TBC1D4: variants seen among roughly 807,000 people sequenced by gnomAD.
The protein encoded by TBC1D4 is TBC (Tre-2, BUB2, CDC16) domain-containing protein.
In TBC1D4, 121 loss-of-function variants were observed where a neutral mutation model predicts 142.5. The ratio of observed to expected loss-of-function variants is 0.85; its 90% confidence interval spans 0.73 to 0.99. The LOEUF (loss-of-function observed/expected upper bound fraction) is 0.99. TBC1D4 is among the 50% of genes least tolerant of loss of function. The pLI is 0.00. For missense variants in TBC1D4, 1,475 were observed against 1,606.6 expected (o/e 0.92, Z 1.40); for synonymous variants, 630 against 628.2 (o/e 1.00, Z -0.04).
intron 1 of TBC1D4, among the ~76,000 whole-genome samples, chr13:75,474,136 T>G (rs1888532166): frequency 6.6e-6 from 1 of 152,250 alleles, no homozygotes; most frequent in African/African-American, 2.4e-5. Flanking sequence ...CACTAATTAT[T>G]ATTTTACAAA....
chr13:75,320,967 G>A (rs1878719452), intron 11 of TBC1D4, among the ~76,000 whole-genome samples: 1 of 151,162 alleles, frequency 6.6e-6, no homozygotes, highest in East Asian at 1.9e-4. Context: ...GTGAACCCGG[G>A]AGGCGGAGCT....
intron 1 of TBC1D4, among the ~76,000 whole-genome samples, chr13:75,368,709 A>G (rs956080811): frequency 3.3e-5 from 5 of 152,312 alleles, no homozygotes; most frequent in African/African-American, 1.2e-4. Flanking sequence ...ATAAAAGAGT[A>G]ACTCACAGGA....
At chr13:75,321,268 T>C (rs2137984764) in intron 11 of TBC1D4, among the ~76,000 whole-genome samples, 1 of 152,140 alleles carries the variant, frequency 6.6e-6, no homozygotes, top group Non-Finnish European at 1.5e-5. Context: ...CTAAAACAAG[T>C]GATAATGAGA....
chr13:75,476,008 C>T, intron 1 of TBC1D4, among the ~76,000 whole-genome samples: 1 of 152,014 alleles, frequency 6.6e-6, no homozygotes, highest in East Asian at 1.9e-4. Flanking sequence ...TTTGGGAGGC[C>T]CAGGCGGGCA....
chr13:75,427,246 CCTGA>C (rs1373247539), intron 1 of TBC1D4, among the ~76,000 whole-genome samples: 1 of 152,142 alleles, frequency 6.6e-6, no homozygotes, highest in Non-Finnish European at 1.5e-5. Context: ...CCTCACCGCG[CCTGA>C]CTAATTTTTT....
At chr13:75,291,755 G>T (rs372201816) in intron 19 of TBC1D4, among the ~76,000 whole-genome samples, 1 of 152,144 alleles carries the variant, frequency 6.6e-6, no homozygotes, top group African/African-American at 2.4e-5. Context: ...CTCCTGCCAC[G>T]TGTCCTCTTC....
chr13:75,314,380 T>C (rs1164310723), intron 12 of TBC1D4, among the ~76,000 whole-genome samples: 2 of 152,134 alleles, frequency 1.3e-5, no homozygotes, highest in Non-Finnish European at 2.9e-5. Flanking sequence ...CTCAATAGTG[T>C]TGAGGCAATT....
intron 1 of TBC1D4, among the ~76,000 whole-genome samples, chr13:75,429,679 T>TA (rs1464214804): frequency 6.6e-6 from 1 of 151,918 alleles, no homozygotes; most frequent in Non-Finnish European, 1.5e-5. Flanking sequence ...ACTACTCTTT[T>TA]AAAAAAGTAT....
At chr13:75,460,247 A>G (rs534678482) in intron 1 of TBC1D4, among the ~76,000 whole-genome samples, 1 of 152,330 alleles carries the variant, frequency 6.6e-6, no homozygotes, top group East Asian at 1.9e-4. Flanking sequence ...TGAGTTTACA[A>G]ACTAGTGAAG....
chr13:75,303,844 T>C (rs1419165596), intron 15 of TBC1D4, among the ~76,000 whole-genome samples: 3 of 152,186 alleles, frequency 2.0e-5, no homozygotes, highest in Non-Finnish European at 4.4e-5. Context: ...CTCCAGTTTC[T>C]TGCACCTCCT....
intron 1 of TBC1D4, among the ~76,000 whole-genome samples, chr13:75,371,890 A>G (rs900244629): frequency 2.0e-5 from 3 of 152,234 alleles, no homozygotes; most frequent in African/African-American, 4.8e-5. Context: ...TCTATTGTGT[A>G]CCTTCTCAAA....
intron 1 of TBC1D4, among the ~76,000 whole-genome samples, chr13:75,453,049 T>C (rs1056841930): frequency 6.6e-6 from 1 of 152,120 alleles, no homozygotes; most frequent in African/African-American, 2.4e-5. Flanking sequence ...TCAAGAAAAT[T>C]ATTTTCAAAT....
intron 1 of TBC1D4, among the ~76,000 whole-genome samples, chr13:75,479,145 A>C (rs1888733363): frequency 1.3e-5 from 2 of 151,808 alleles, no homozygotes; most frequent in Admixed American, 6.6e-5. Flanking sequence ...TCCTCACTCA[A>C]CCCTCTTCTT....
chr13:75,402,344 ATACACCTTCATTCTTC>A (rs1885133702), intron 1 of TBC1D4, among the ~76,000 whole-genome samples: 1 of 152,154 alleles, frequency 6.6e-6, no homozygotes, highest in Admixed American at 6.6e-5. Flanking sequence ...CTCCCCGGGG[ATACACCTTCATTCTTC>A]TATGCCGCAA....
chr13:75,449,532 AACAC>A (rs34025489), intron 1 of TBC1D4, among the ~76,000 whole-genome samples: 23 of 149,074 alleles, frequency 1.5e-4, no homozygotes, highest in East Asian at 3.9e-4. Flanking sequence ...GTGAAACTGC[AACAC>A]ACACACACAC....
chr13:75,389,954 G>A (rs1434639798), intron 1 of TBC1D4, among the ~76,000 whole-genome samples: 2 of 152,060 alleles, frequency 1.3e-5, no homozygotes, highest in Non-Finnish European at 2.9e-5. Context: ...ACTGAAGACA[G>A]GTAACTAAAC....
chr13:75,476,209 C>T (rs1351530097), intron 1 of TBC1D4, among the ~76,000 whole-genome samples: 2 of 152,118 alleles, frequency 1.3e-5, no homozygotes, highest in Non-Finnish European at 2.9e-5. Context: ...CGCCACTGCA[C>T]TCCAGCCTGG....
chr13:75,313,450 GAT>G (rs943111551), intron 12 of TBC1D4, among the ~76,000 whole-genome samples: 1 of 152,162 alleles, frequency 6.6e-6, no homozygotes, highest in Non-Finnish European at 1.5e-5. Flanking sequence ...ATTGGTAGGT[GAT>G]ATACTAAGAA....
Position 75,284,812 on chromosome 13 carries a change from A to G in TBC1D4, c.*1980T>C, listed in dbSNP as rs1874525536. Reference sequence around the variant, plus strand: ...AAAGAAAATTCATTTTCAAAAGAAAATATTGTATCCAAGTCAGCTTAATCT... The same window carrying G: ...AAAGAAAATTCATTTTCAAAAGAAAGTATTGTATCCAAGTCAGCTTAATCT... On this transcript the variant is annotated 3_prime_UTR_variant, in exon 21 of 21. Transcript: ENST00000377636. 6.6e-6 allele frequency: 1 copy of G among 152,220 alleles called. No homozygotes were observed. The highest frequency in any genetic ancestry group is 1.5e-5 in the Non-Finnish European group (1 of 68,036). 9.4% of individuals were successfully genotyped at this position (152,220 alleles called of 1,614,324 possible).
Sources: allele counts gnomAD v4.1 joint callset (sites outside exome capture counted in the v4.1 genomes callset), GRCh38; gene constraint gnomAD v4.1.1; transcripts MANE v1.5; gene names NCBI Gene and HGNC (gene_info 2026-07-23, HGNC 2026-07-21).